The following UGGT2 variants were observed in gnomAD, a reference collection of about 807,000 sequenced individuals.
The protein encoded by UGGT2 is UDP-glucose glycoprotein glucosyltransferase 2.
A neutral mutation model predicts 192.1 loss-of-function variants in UGGT2; 180 were observed. The observed-to-expected ratio is 0.94, with a 90% confidence interval of 0.83 to 1.06. The LOEUF is 1.06. Ranked by LOEUF, UGGT2 falls within the 50% of genes least tolerant of loss-of-function variation. The pLI, the probability that UGGT2 is intolerant of heterozygous loss-of-function variation, is 0.00. For missense variants in UGGT2, 1,849 were observed against 1,795.7 expected, an observed-to-expected ratio of 1.03 and a Z score of -0.54; for synonymous variants, 580 against 591.0, an observed-to-expected ratio of 0.98 and a Z score of 0.27.
At chr13:96,019,079 T>A (rs2052430910) in intron 4 of UGGT2, among the ~76,000 whole-genome samples, 1 of 110,218 alleles carries the variant, frequency 9.1e-6, no homozygotes, top group Non-Finnish European at 1.7e-5. Context: ...ATGCCTGAAG[T>A]TCACAAAAGG....
At chr13:95,852,175 G>T (rs1396974363) in intron 36 of UGGT2, among the ~76,000 whole-genome samples, 1 of 151,900 alleles carries the variant, frequency 6.6e-6, no homozygotes. Flanking sequence ...TAAACAAAGG[G>T]ACTAAGCTTT....
chr13:95,947,949 T>C (rs758687408), intron 14 of UGGT2, 47 bp downstream of exon 14: 29 of 1,489,124 alleles, frequency 1.9e-5, no homozygotes, highest in Middle Eastern at 3.5e-4. Context: ...ATGAATAACA[T>C]TGAATTTCCT....
intron 7 of UGGT2, chr13:95,995,317 G>C (rs2051584214): frequency 6.6e-6 from 1 of 151,952 alleles, no homozygotes; most frequent in South Asian, 2.1e-4. Flanking sequence ...CTTTCTTGGA[G>C]ACAAATTATA....
chr13:95,877,612 A>G (rs1891829887), intron 28 of UGGT2, 86 bp downstream of exon 28: 2 of 1,451,774 alleles, frequency 1.4e-6, no homozygotes, highest in Non-Finnish European at 1.8e-6. Context: ...GCAACAGCAG[A>G]ATAAAGATTA....
At chr13:95,857,095 T>C (rs1889689094) in intron 33 of UGGT2, among the ~76,000 whole-genome samples, 1 of 152,146 alleles carries the variant, frequency 6.6e-6, no homozygotes, top group Non-Finnish European at 1.5e-5. Flanking sequence ...GTTATATGTT[T>C]AATTTTTTTC....
In UGGT2 at chr13:95,812,042, G is replaced by A. The variant is rs74520314; in HGVS notation, c.4529-10230C>T. ...TTACAATAAATGTAATGCTTTAAAT[G>A]AAAGGTTAGCAAACTTTTACTGTAA... On this transcript the variant is annotated intron_variant, in intron 38 of 38. Coordinates refer to ENST00000376747, the MANE Select transcript of UGGT2 (RefSeq NM_020121.4). 5.7e-3 allele frequency among the ~76,000 whole-genome samples: 871 copies of A among 152,228 alleles called. 9 individuals are homozygous for A. The highest frequency in any genetic ancestry group is 0.02 in the African/African-American group (820 of 41,534).
At chr13:95,902,157 G>C (rs2048121613) in intron 21 of UGGT2, among the ~76,000 whole-genome samples, 1 of 152,104 alleles carries the variant, frequency 6.6e-6, no homozygotes, top group South Asian at 2.1e-4. Flanking sequence ...TGAATTTATT[G>C]TCATTAATCT....
chr13:95,977,328 C>CTACAAGGAACTTAAACAAATT (rs1566785262), intron 10 of UGGT2, among the ~76,000 whole-genome samples: 1 of 151,772 alleles, frequency 6.6e-6, no homozygotes, highest in African/African-American at 2.4e-5. Context: ...TATCCAGAAT[C>CTACAAGGAACTTAAACAAATT]TACAAGGAAC....
intron 38 of UGGT2, among the ~76,000 whole-genome samples, chr13:95,828,266 T>C (rs940746728): frequency 1.3e-4 from 20 of 151,934 alleles, no homozygotes; most frequent in African/African-American, 4.8e-4. Context: ...AAGAACAAGC[T>C]AAGCAAGAGC....
Position 95,927,126 on chromosome 13 carries a change from A to G in UGGT2, c.2102T>C (p.Val701Ala). 1 of 1,607,564 alleles carries G rather than the reference A, an allele frequency of 6.2e-7. No individual in the cohort carries two copies. ...QQYLNLISTSVTADVEDFSTF... is the reference protein window; with the variant it reads ...QQYLNLISTSATADVEDFSTF... ...AGAGAAATCTTCAACATCAGCAGTT[A>G]CTGAAAAATTTCAAATTAAACGTTA... The change falls in exon 19 of 39, where the codon GTA becomes GCA. Residue 701 changes from valine to alanine, a missense_variant and splice_region_variant. By Grantham distance (64) the Val-to-Ala change is moderately conservative (BLOSUM62 0). Transcript: ENST00000376747.
chr13:95,907,152 A>C (rs553820699), intron 20 of UGGT2, among the ~76,000 whole-genome samples: 26 of 152,322 alleles, frequency 1.7e-4, no homozygotes, highest in Admixed American at 6.5e-4. Flanking sequence ...AGCCTTGCTC[A>C]CTGCTAGCGC....
chr13:95,853,827 G>A (rs1351198379), intron 35 of UGGT2, among the ~76,000 whole-genome samples, 170 bp from the exon 36 acceptor site: 1 of 152,114 alleles, frequency 6.6e-6, no homozygotes, highest in Admixed American at 6.5e-5. Context: ...TTTCCCAAGA[G>A]TTTTAAGTTT....
At chr13:95,874,140 C>A (rs1891454519) in intron 29 of UGGT2, among the ~76,000 whole-genome samples, 1 of 152,070 alleles carries the variant, frequency 6.6e-6, no homozygotes, top group African/African-American at 2.4e-5. Context: ...TCCACCTCAC[C>A]AAGTGATTTC....
chr13:95,815,468 A>T (rs946248022), intron 38 of UGGT2, among the ~76,000 whole-genome samples: 3 of 152,216 alleles, frequency 2.0e-5, no homozygotes, highest in East Asian at 1.9e-4. Context: ...CAAGAAATTT[A>T]AAAATACCAT....
At chr13:95,887,481 A>C (rs1481644417) in intron 26 of UGGT2, 2 of 319,788 alleles carry the variant, frequency 6.3e-6, no homozygotes, top group Non-Finnish European at 1.2e-5. Flanking sequence ...TATCTCTGGC[A>C]GGTTATTCTA....
At position 96,053,174 on chromosome 13, in the gene UGGT2, G is replaced by C. The variant is rs1159109694; in HGVS notation, c.139C>G (p.Pro47Ala). The C allele has an allele frequency of 1.3e-6, 2 of 1,515,794 alleles. No homozygotes were observed. The highest frequency in any genetic ancestry group is 5.2e-5 in the East Asian group (2 of 38,684). 93.9% of individuals were successfully genotyped at this position (1,515,794 alleles called of 1,614,324 possible). A position where few individuals can be genotyped will look rare whatever the true frequency, so the allele number is the denominator to read the frequency against. Residue 47 changes from proline to alanine, a missense_variant, in exon 1 of 39, where the codon CCG (proline) becomes GCG (alanine). Coordinates refer to ENST00000376747, the MANE Select transcript of UGGT2 (RefSeq NM_020121.4). ...ACCCACCTTGCCTCCAGCAGCAGCG[G>C]GGTCTCGGGCCACTTCGCGGCCAAG... The part of the protein sequence containing the change: ...AHLAAKWPET[P>A]LLLEASEFMA...
chr13:95,979,968 G>T (rs968618147), intron 10 of UGGT2, among the ~76,000 whole-genome samples: 1 of 152,086 alleles, frequency 6.6e-6, no homozygotes, highest in Admixed American at 6.6e-5. Flanking sequence ...TACAAGAATG[G>T]GTATAATTTA....
chr13:95,851,221 G>A (rs1888997308), intron 36 of UGGT2, among the ~76,000 whole-genome samples: 1 of 152,224 alleles, frequency 6.6e-6, no homozygotes, highest in South Asian at 2.1e-4. Context: ...AGGGAATGGT[G>A]GAAGAGGAAC....
chr13:95,929,504 T>C (rs909725115), intron 17 of UGGT2, among the ~76,000 whole-genome samples: 1 of 152,166 alleles, frequency 6.6e-6, no homozygotes, highest in Non-Finnish European at 1.5e-5. Context: ...TTTATGTCTA[T>C]GAGTACCAAA....
Sources: allele counts gnomAD v4.1 joint callset (sites outside exome capture counted in the v4.1 genomes callset), GRCh38; gene constraint gnomAD v4.1.1; transcripts MANE v1.5; gene names NCBI Gene and HGNC (gene_info 2026-07-23, HGNC 2026-07-21).